Variants in FRAS1 observed in about 807,000 individuals in gnomAD.
The protein encoded by FRAS1 is Fraser extracellular matrix complex subunit 1.
In FRAS1, 290 loss-of-function variants were observed where a neutral mutation model predicts 435.2. That is an observed-to-expected ratio of 0.67 (90% CI 0.61 to 0.73). The LOEUF is 0.73. Ranked by LOEUF, FRAS1 falls within the 30% of genes least tolerant of loss-of-function variation. The pLI, the probability that FRAS1 is intolerant of heterozygous loss-of-function variation, is 0.00. For missense variants in FRAS1, 4,860 were observed against 5,001.5 expected (o/e 0.97, Z 0.85); for synonymous variants, 1,800 against 1,851.0 (o/e 0.97, Z 0.71).
At chr4:78,422,415 G>A (rs1270393644) in intron 34 of FRAS1, among the ~76,000 whole-genome samples, 3 of 152,124 alleles carry the variant, frequency 2.0e-5, no homozygotes, top group Non-Finnish European at 4.4e-5. Context: ...AAGATTAGCG[G>A]TGGAATTACA....
chr4:78,495,095 T>TGTTA (rs1720474291), intron 59 of FRAS1, among the ~76,000 whole-genome samples: 2 of 152,212 alleles, frequency 1.3e-5, no homozygotes, highest in African/African-American at 4.8e-5. Flanking sequence ...TTCATATGCT[T>TGTTA]GCTAGCTTAT....
At chr4:78,407,520 A>T in intron 30 of FRAS1, 143 bp from the exon 31 acceptor site, 1 of 613,344 alleles carries the variant, frequency 1.6e-6, no homozygotes, top group Non-Finnish European at 2.8e-6. Flanking sequence ...TTATGTGTTA[A>T]CATCCTCTCC....
chr4:78,399,611 T>C (rs1560705279), intron 29 of FRAS1, among the ~76,000 whole-genome samples: 1 of 152,210 alleles, frequency 6.6e-6, no homozygotes, highest in Non-Finnish European at 1.5e-5. Context: ...TCAGGAGTGC[T>C]GAATAGGTGA....
intron 61 of FRAS1, among the ~76,000 whole-genome samples, chr4:78,504,792 A>G (rs1720783501): frequency 6.6e-6 from 1 of 152,178 alleles, no homozygotes; most frequent in Non-Finnish European, 1.5e-5. Flanking sequence ...TATTTTGCCC[A>G]TTAATTGATG....
intron 32 of FRAS1, 79 bp downstream of exon 32, chr4:78,413,164 G>A (rs1733416855): frequency 1.2e-6 from 1 of 805,042 alleles, no homozygotes. Flanking sequence ...GAGTGTCCTG[G>A]TTTTGTATAT....
chr4:78,277,835 A>G (rs1218004486), intron 9 of FRAS1, among the ~76,000 whole-genome samples: 1 of 151,052 alleles, frequency 6.6e-6, no homozygotes, highest in Non-Finnish European at 1.5e-5. Flanking sequence ...TTTTTTTGAG[A>G]CGGAGTCTCA....
chr4:78,507,794 C>G (rs1469730518), intron 62 of FRAS1, among the ~76,000 whole-genome samples, 186 bp downstream of exon 62: 1 of 152,132 alleles, frequency 6.6e-6, no homozygotes, highest in Non-Finnish European at 1.5e-5. Context: ...TTGGTTGTCA[C>G]AGTTGTCACA....
Position 78,519,477 on chromosome 4 carries a change from A to G in FRAS1, c.10536A>G (p.Arg3512=). 2 of 1,609,004 alleles carry G rather than the reference A, an allele frequency of 1.2e-6. No homozygotes were observed. The highest frequency in any genetic ancestry group is 1.7e-6 in the Non-Finnish European group (2 of 1,178,034). The change falls in exon 67 of 74, where the codon AGA becomes AGG. Residue 3512 remains arginine, a synonymous_variant. Coordinates refer to ENST00000512123, the MANE Select transcript of FRAS1 (RefSeq NM_025074.7). ...TCTTCTATGACACTGTTCTCTGGAG[A>G]ACAGGTATGCCCACTGACGCCTTAA... ...FSFFYDTVLW[R]TGIQTDSVLS...
chr4:78,229,361 G>C (rs372289850), intron 2 of FRAS1, among the ~76,000 whole-genome samples: 23 of 147,606 alleles, frequency 1.6e-4, no homozygotes, highest in African/African-American at 5.5e-4. Flanking sequence ...GCCTGGCTTT[G>C]TGGAAGCAGG....
intron 7 of FRAS1, 86 bp downstream of exon 7, chr4:78,265,194 C>G (rs1219204738): frequency 1.3e-6 from 1 of 760,784 alleles, no homozygotes; most frequent in Non-Finnish European, 2.2e-6. Flanking sequence ...CATAAGTCAC[C>G]ACCCTCATGT....
At chr4:78,209,772 G>A (rs1170124220) in intron 2 of FRAS1, among the ~76,000 whole-genome samples, 1 of 152,166 alleles carries the variant, frequency 6.6e-6, no homozygotes, top group Non-Finnish European at 1.5e-5. Flanking sequence ...TATTGAAACT[G>A]ACCTTTGAAA....
chr4:78,493,269 A>G (rs1720417977), intron 59 of FRAS1, among the ~76,000 whole-genome samples: 1 of 152,260 alleles, frequency 6.6e-6, no homozygotes, highest in African/African-American at 2.4e-5. Flanking sequence ...ATCTAGAACC[A>G]GAAATACGAT....
intron 47 of FRAS1, among the ~76,000 whole-genome samples, chr4:78,462,487 C>A (rs1719400844): frequency 6.6e-6 from 1 of 152,084 alleles, no homozygotes; most frequent in Non-Finnish European, 1.5e-5. Flanking sequence ...AAATCAATCT[C>A]AAGAGGAAGG....
rs143330859 is a variant in FRAS1 at position 78,450,085 on chromosome 4, A to C, written c.6275-66A>C. 11,060 of 1,329,450 alleles carry C rather than the reference A, an allele frequency of 8.3e-3. 60 individuals are homozygous for C. The highest frequency in any genetic ancestry group is 0.01 in the Non-Finnish European group (9,922 of 952,656). The allele number at this position is 1,329,450 out of a possible 1,614,324, so 82.4% of individuals were successfully genotyped here. On this transcript the variant is annotated intron_variant, in intron 44 of 73. Coordinates refer to ENST00000512123, the MANE Select transcript of FRAS1 (RefSeq NM_025074.7). ...ATAATTTAGCCTCCAGTCTCCTAAAATCATTTGACATCCCGTTCAAAGGAA... is the reference window on the plus strand; with the variant it reads ...ATAATTTAGCCTCCAGTCTCCTAAACTCATTTGACATCCCGTTCAAAGGAA...
At chr4:78,428,537 A>T (rs1235247078) in intron 35 of FRAS1, among the ~76,000 whole-genome samples, 1 of 152,068 alleles carries the variant, frequency 6.6e-6, no homozygotes, top group African/African-American at 2.4e-5. Context: ...GTTAGCCAGG[A>T]TGGTCTCAAT....
intron 15 of FRAS1, among the ~76,000 whole-genome samples, chr4:78,309,837 T>C (rs1016858657): frequency 6.6e-6 from 1 of 152,162 alleles, no homozygotes; most frequent in African/African-American, 2.4e-5. Flanking sequence ...GTCATACCTA[T>C]AGAGAGGCCA....
chr4:78,229,063 C>T (rs1724399137), intron 2 of FRAS1, among the ~76,000 whole-genome samples: 1 of 152,038 alleles, frequency 6.6e-6, no homozygotes, highest in African/African-American at 2.4e-5. Flanking sequence ...ATAAACCAAG[C>T]CTGTGGGTAT....
chr4:78,070,272 TATAC>T (rs1740272939), intron 2 of FRAS1, among the ~76,000 whole-genome samples: 1 of 149,952 alleles, frequency 6.7e-6, no homozygotes, highest in Admixed American at 6.7e-5. Context: ...TATATATATA[TATAC>T]CTCCCCCCAC....
chr4:78,324,824 G>T (rs953220038), intron 18 of FRAS1, among the ~76,000 whole-genome samples: 1 of 147,516 alleles, frequency 6.8e-6, no homozygotes, highest in Non-Finnish European at 1.5e-5. Flanking sequence ...TTTGGCAGTG[G>T]TGACTGGGAC....
Sources: gnomAD v4.1 joint callset for allele counts (sites outside exome capture counted in the v4.1 genomes callset) on GRCh38, gnomAD v4.1.1 for gene constraint, MANE v1.5 for transcripts, NCBI Gene and HGNC (gene_info 2026-07-23, HGNC 2026-07-21) for gene names.